KAZN: variants seen among roughly 807,000 people sequenced by gnomAD.
KAZN encodes kazrin, periplakin interacting protein, also known as kazrin.
A neutral mutation model predicts 87.4 loss-of-function variants in KAZN; 40 were observed. The ratio of observed to expected loss-of-function variants is 0.46; its 90% CI spans 0.36 to 0.60. KAZN has a LOEUF of 0.60. KAZN is among the 20% of genes least tolerant of loss of function. The pLI is 0.00. For missense variants in KAZN, 898 were observed against 1,073.9 expected (o/e 0.84, Z 2.29); for synonymous variants, 466 against 458.3 (o/e 1.02, Z -0.22).
chr1:14,845,171 GTGGA>G (rs145173619), intron 1 of KAZN, among the ~76,000 whole-genome samples: 46 of 149,486 alleles, frequency 3.1e-4, no homozygotes, highest in South Asian at 1.1e-3. Context: ...GGATGGGTGG[GTGGA>G]TGGATGGATG....
chr1:14,345,133 G>A (rs1658018009), intron 2 of KAZN, among the ~76,000 whole-genome samples: 1 of 152,104 alleles, frequency 6.6e-6, no homozygotes, highest in Admixed American at 6.5e-5. Flanking sequence ...GGCCAGGCTA[G>A]TTTCAAACTT....
chr1:15,064,439 A>C (rs980591923), intron 7 of KAZN, among the ~76,000 whole-genome samples: 1 of 152,204 alleles, frequency 6.6e-6, no homozygotes, highest in Admixed American at 6.5e-5. Flanking sequence ...CCGGTTACGC[A>C]TGATGCCACC....
intron 1 of KAZN, among the ~76,000 whole-genome samples, chr1:14,104,249 C>T (rs529018307): frequency 6.6e-6 from 1 of 152,320 alleles, no homozygotes; most frequent in South Asian, 2.1e-4. Context: ...TCCTTCCCCG[C>T]AAGGAGCACC....
intron 1 of KAZN, among the ~76,000 whole-genome samples, chr1:14,038,398 C>A (rs542917625): frequency 6.6e-6 from 1 of 152,178 alleles, no homozygotes; most frequent in African/African-American, 2.4e-5. Flanking sequence ...CAAAGGGAGC[C>A]CCCAGGTCAA....
At chr1:14,520,120 G>GA (rs1244302669) in intron 2 of KAZN, among the ~76,000 whole-genome samples, 1 of 152,196 alleles carries the variant, frequency 6.6e-6, no homozygotes, top group African/African-American at 2.4e-5. Flanking sequence ...AGATCTTCAG[G>GA]AAATGAGGCC....
At chr1:14,796,482 GA>G (rs1194352489) in intron 1 of KAZN, among the ~76,000 whole-genome samples, 1 of 152,200 alleles carries the variant, frequency 6.6e-6, no homozygotes, top group East Asian at 1.9e-4. Flanking sequence ...CCAGTCTCTA[GA>G]ACAAAGCCTG....
chr1:14,563,999 A>T (rs146662021), intron 2 of KAZN, among the ~76,000 whole-genome samples: 278 of 151,100 alleles, frequency 1.8e-3, no homozygotes, highest in African/African-American at 6.7e-3. Flanking sequence ...CCTCCTGAGT[A>T]GCTGGGATTA....
At chr1:14,197,992 C>A (rs556788641) in intron 2 of KAZN, among the ~76,000 whole-genome samples, 5 of 143,346 alleles carry the variant, frequency 3.5e-5, no homozygotes, top group African/African-American at 1.3e-4. Context: ...AACAGGACCA[C>A]CGGGTTCCAC....
intron 1 of KAZN, among the ~76,000 whole-genome samples, chr1:14,634,193 G>C (rs1193655045): frequency 2.0e-5 from 3 of 152,090 alleles, no homozygotes; most frequent in Admixed American, 2.0e-4. Context: ...TTCAGCTAGT[G>C]CACAAAATAC....
intron 4 of KAZN, among the ~76,000 whole-genome samples, chr1:15,048,597 G>A (rs1406930994): frequency 2.0e-5 from 3 of 150,612 alleles, no homozygotes; most frequent in African/African-American, 7.4e-5. Flanking sequence ...GTCCTGGGTC[G>A]TCGGTCCTGG....
intron 1 of KAZN, among the ~76,000 whole-genome samples, chr1:13,977,221 A>G (rs562320512): frequency 2.6e-5 from 4 of 152,338 alleles, no homozygotes; most frequent in Admixed American, 2.6e-4. Flanking sequence ...GTCTGATGCC[A>G]CTGGTGAGGT....
intron 2 of KAZN, among the ~76,000 whole-genome samples, chr1:14,338,259 A>C (rs1013971283): frequency 6.6e-6 from 1 of 151,996 alleles, no homozygotes; most frequent in Non-Finnish European, 1.5e-5. Context: ...GGATCACTTG[A>C]GGTCAGGAGC....
intron 2 of KAZN, among the ~76,000 whole-genome samples, chr1:14,454,585 G>A (rs1667461304): frequency 6.6e-6 from 1 of 152,164 alleles, no homozygotes; most frequent in East Asian, 1.9e-4. Flanking sequence ...CCTATCCCAT[G>A]GGCATTGCCT....
intron 2 of KAZN, among the ~76,000 whole-genome samples, chr1:14,403,154 G>C (rs190302573): frequency 2.6e-5 from 4 of 152,044 alleles, no homozygotes; most frequent in Non-Finnish European, 5.9e-5. Context: ...CCATAATAGA[G>C]GTGACATTGC....
intron 1 of KAZN, among the ~76,000 whole-genome samples, chr1:14,842,006 G>A (rs557093693): frequency 2.6e-5 from 4 of 152,264 alleles, no homozygotes; most frequent in Admixed American, 6.5e-5. Flanking sequence ...TCAGGGCTTT[G>A]CTGGGATGTG....
At chr1:14,054,099 G>GT (rs201272152) in intron 1 of KAZN, among the ~76,000 whole-genome samples, 4 of 150,692 alleles carry the variant, frequency 2.7e-5, no homozygotes, top group South Asian at 2.1e-4. Context: ...TTGTCCGTGA[G>GT]TTTTTTTTTA....
chr1:14,568,973 C>A (rs1486313994), intron 2 of KAZN, among the ~76,000 whole-genome samples: 1 of 152,144 alleles, frequency 6.6e-6, no homozygotes, highest in Non-Finnish European at 1.5e-5. Flanking sequence ...TACAGTAACC[C>A]CAGCACTCCA....
At chr1:14,640,270 T>C (rs1201784233) in intron 1 of KAZN, among the ~76,000 whole-genome samples, 2 of 152,220 alleles carry the variant, frequency 1.3e-5, no homozygotes, top group African/African-American at 4.8e-5. Flanking sequence ...TGGGACCTGC[T>C]GGAATATGCT....
chr1:14,396,705 G>T (rs142130691), intron 2 of KAZN, among the ~76,000 whole-genome samples: 1 of 152,088 alleles, frequency 6.6e-6, no homozygotes, highest in South Asian at 2.1e-4. Flanking sequence ...CCATCACTTC[G>T]TTACAAGTGT....
Sources: allele counts gnomAD v4.1 joint callset (sites outside exome capture counted in the v4.1 genomes callset), GRCh38; gene constraint gnomAD v4.1.1; transcripts MANE v1.5; gene names NCBI Gene and HGNC (gene_info 2026-07-23, HGNC 2026-07-21).